Variants in KEAP1 observed in about 807,000 individuals in gnomAD.
The protein encoded by KEAP1 is kelch like ECH associated protein 1.
KEAP1 carries 26 observed loss-of-function variants against 59.7 expected under a neutral mutation model. The observed-to-expected ratio is 0.44, with a 90% CI of 0.32 to 0.60. KEAP1 has a LOEUF of 0.60. Ranked by LOEUF, KEAP1 falls within the 20% of genes least tolerant of loss-of-function variation. The pLI is 0.06. For synonymous variants in KEAP1, 350 were observed against 358.3 expected (o/e 0.98, Z 0.26); for missense variants, 539 against 871.4 (o/e 0.62, Z 4.80).
rs781127807 is a variant in KEAP1 at position 10,489,813 on chromosome 19, T to C, written c.1366A>G (p.Met456Val). 5.6e-6 allele frequency: 9 copies of C among 1,614,112 alleles called. No homozygotes were observed. Among genetic ancestry groups the C allele is most frequent in the Non-Finnish European group, 5.1e-6 (6 of 1,180,010 alleles). The change falls in exon 4 of 6, where the codon ATG becomes GTG. Residue 456 changes from methionine (M) to valine (V), a missense_variant. This residue lies in a region of KEAP1 where 311 missense variants were observed against 425.2 expected (regional missense o/e 0.73). Coordinates refer to ENST00000171111, the MANE Select transcript of KEAP1 (RefSeq NM_203500.2). ...ERDEWHLVAPMLTRRIGVGVA... is the reference protein window; with the variant it reads ...ERDEWHLVAPVLTRRIGVGVA... Reference sequence around the variant, plus strand: ...CCCACCCCGATCCTTCGTGTCAGCATTGGGGCCACCAAGTGCCACTCATCC... The same window carrying C: ...CCCACCCCGATCCTTCGTGTCAGCACTGGGGCCACCAAGTGCCACTCATCC...
rs1473896573 is a variant in KEAP1, at chr19:10,491,837, C to T, written c.1065G>A (p.Leu355=). The T allele has an allele frequency of 6.2e-7, 1 of 1,608,140 alleles. No individual in the cohort carries two copies. Among genetic ancestry groups the T allele is most frequent in the Non-Finnish European group, 8.5e-7 (1 of 1,177,564 alleles). Residue 355 remains leucine, a synonymous_variant, in exon 3 of 6, where the codon TTG becomes TTA. Transcript: ENST00000171111. This position sits in a 1 kb window ranked among gnomAD's most constrained non-coding sequence, Gnocchi z 5.2. ...CGCTCCGCGGCACCTGCAGGTCCGC[C>T]AACCGGAGCCAGGTGCCGTCACTGG... ...YNPSDGTWLR[L]ADLQVPRSGL... is the part of the protein sequence containing the mutation.
chr19:10,501,547 G>A (rs938292457), intron 1 of KEAP1, among the ~76,000 whole-genome samples: 4 of 150,328 alleles, frequency 2.7e-5, no homozygotes, highest in South Asian at 4.4e-4. Flanking sequence ...GGAGAAAGGC[G>A]TGAACCCAGG....
At chr19:10,498,643 T>C (rs36009424) in intron 2 of KEAP1, among the ~76,000 whole-genome samples, 1,865 of 152,140 alleles carry the variant, frequency 0.012, 22 homozygotes, top group Middle Eastern at 0.044. Flanking sequence ...CTGTCACGGG[T>C]GTCCAATAAA....
chr19:10,495,496 G>A (rs538153413), intron 2 of KEAP1, among the ~76,000 whole-genome samples: 97 of 152,124 alleles, frequency 6.4e-4, no homozygotes, highest in African/African-American at 2.3e-3. Flanking sequence ...TCAGAAGTCC[G>A]AGACCAGCCT....
rs1388081619 is a variant in KEAP1, at chr19:10,502,351, C to T, written c.-48+890G>A. On this transcript the variant is annotated intron_variant, in intron 1 of 5. Coordinates refer to ENST00000171111, the MANE Select transcript of KEAP1 (RefSeq NM_203500.2). This position sits in a 1 kb window ranked among gnomAD's most constrained non-coding sequence, Gnocchi z 4.0. ...GCGACTGCGCATGCCCCTCCTGAGC[C>T]TCCACCAGGCCCAGTGAGGCGAGGA... 6.6e-6 allele frequency: 1 copy of T among 152,334 alleles called. No homozygotes were observed. The highest frequency in any genetic ancestry group is 1.9e-4 in the East Asian group (1 of 5,188). 9.4% of individuals were successfully genotyped at this position (152,334 alleles called of 1,614,324 possible). A position where few individuals can be genotyped will look rare whatever the true frequency, so the allele number is the denominator to read the frequency against.
chr19:10,498,470 G>A (rs1282086755), intron 2 of KEAP1, among the ~76,000 whole-genome samples: 2 of 152,158 alleles, frequency 1.3e-5, no homozygotes, highest in Non-Finnish European at 2.9e-5. Context: ...GCCTCCCAAA[G>A]TGCTGGGATT....
Position 10,488,375 on chromosome 19 carries a change from G to A in KEAP1, c.1708+817C>T, listed in dbSNP as rs561547124. Among the ~76,000 whole-genome samples the A allele has an allele frequency of 7.2e-5, 11 of 152,080 alleles. No individual in the cohort carries two copies. In the East Asian group the frequency reaches 2.1e-3, roughly 29 times the overall value. On this transcript the variant is annotated intron_variant, in intron 5 of 5. Coordinates refer to ENST00000171111, the MANE Select transcript of KEAP1 (RefSeq NM_203500.2). Reference sequence around the variant, plus strand: ...CACCTGTAATCCCAGCACTTTGGGAGGCTGAGGTGGGCAGATCACCTGAGG... The same window carrying A: ...CACCTGTAATCCCAGCACTTTGGGAAGCTGAGGTGGGCAGATCACCTGAGG...
chr19:10,487,783 G>A (rs1348120268), intron 5 of KEAP1, among the ~76,000 whole-genome samples: 1 of 152,036 alleles, frequency 6.6e-6, no homozygotes, highest in East Asian at 1.9e-4. Context: ...ATCACCTGAG[G>A]TCAGGAGTTC....
chr19:10,501,615 A>ACAAG (rs1250174837), intron 1 of KEAP1, among the ~76,000 whole-genome samples: 1 of 152,040 alleles, frequency 6.6e-6, no homozygotes, highest in African/African-American at 2.4e-5. Flanking sequence ...GGGTGACAGA[A>ACAAG]CAAGACTCCA....
At chr19:10,501,427 A>G (rs1440698799) in intron 1 of KEAP1, among the ~76,000 whole-genome samples, 1 of 151,922 alleles carries the variant, frequency 6.6e-6, no homozygotes, top group Non-Finnish European at 1.5e-5. Flanking sequence ...CAGAAGATCG[A>G]GACCATCCTG....
intron 3 of KEAP1, among the ~76,000 whole-genome samples, 164 bp from the exon 4 acceptor site, chr19:10,490,017 C>T (rs373872908): frequency 1.3e-5 from 2 of 151,560 alleles, no homozygotes; most frequent in South Asian, 2.1e-4. Flanking sequence ...TTTGGGAGGC[C>T]GAGGAGGGCG....
rs1914960367 is a variant in KEAP1 at position 10,499,422 on chromosome 19, C to T, written c.612G>A (p.Arg204=). The T allele has an allele frequency of 6.2e-7, 1 of 1,611,382 alleles. No individual in the cohort carries two copies. ...IGCVELHQRA[R]EYIYMHFGEV... ...CCCCAAAATGCATGTAGATGTACTC[C>T]CGGGCACGCTGGTGCAACTCCACAC... The change falls in exon 2 of 6, where the codon CGG becomes CGA. Residue 204 remains arginine, a synonymous_variant. Coordinates refer to ENST00000171111, the MANE Select transcript of KEAP1 (RefSeq NM_203500.2). This position sits in a 1 kb window ranked among gnomAD's most constrained non-coding sequence, Gnocchi z 6.7.
chr19:10,497,008 C>T (rs937499584), intron 2 of KEAP1, among the ~76,000 whole-genome samples: 1 of 151,666 alleles, frequency 6.6e-6, no homozygotes, highest in Non-Finnish European at 1.5e-5. Flanking sequence ...CCTGTAATCC[C>T]AGCTACTTGG....
At chr19:10,492,656 C>A in intron 2 of KEAP1, 1 of 191,272 alleles carries the variant, frequency 5.2e-6, no homozygotes, top group Non-Finnish European at 1.1e-5. Context: ...AGGCGGGAGG[C>A]GGAGGTTGCA....
intron 2 of KEAP1, among the ~76,000 whole-genome samples, chr19:10,498,305 T>A (rs879288720): frequency 2.0e-5 from 3 of 151,176 alleles, no homozygotes; most frequent in Non-Finnish European, 4.4e-5. Context: ...GTTCAAGCGA[T>A]TCTCCTGTCT....
chr19:10,489,585 A>G (rs2144588801), intron 4 of KEAP1, 63 bp downstream of exon 4: 1 of 1,569,792 alleles, frequency 6.4e-7, no homozygotes, highest in Non-Finnish European at 8.7e-7. Context: ...GGCCTGGCTC[A>G]GTTTCACCCC....
chr19:10,489,361 G>A lies in KEAP1; in HGVS notation c.1539C>T (p.Cys513=), dbSNP rs1319174142. The change falls in exon 5 of 6, where the codon TGC becomes TGT. Residue 513 remains cysteine, a synonymous_variant. Coordinates refer to ENST00000171111, the MANE Select transcript of KEAP1 (RefSeq NM_203500.2). ...MNTIRSGAGV[C]VLHNCIYAAG... ...CAGCATAGATACAGTTGTGCAGGAC[G>A]CAGACGCCTAAAGGGCACCATGCAG... 7.4e-6 allele frequency: 12 copies of A among 1,612,528 alleles called. No individual in the cohort carries two copies. Among genetic ancestry groups the A allele is most frequent in the South Asian group, 4.4e-5 (4 of 90,958 alleles).
rs1914458026 is a variant in KEAP1 at position 10,486,269 on chromosome 19, G to A, written c.*383C>T. The A allele has an allele frequency of 4.0e-6, 1 of 251,292 alleles. No individual in the cohort carries two copies. The highest frequency in any genetic ancestry group is 1.4e-4 in the South Asian group (1 of 7,234). 15.6% of individuals were successfully genotyped at this position (251,292 alleles called of 1,614,324 possible). A position where few individuals can be genotyped will look rare whatever the true frequency, so the allele number is the denominator to read the frequency against. On this transcript the variant is annotated 3_prime_UTR_variant, in exon 6 of 6. Transcript: ENST00000171111. ...ATCCCTGGGAACCACATTTCCAGAGGGGGCCTCCCCCTGAGGCCCCCATTG... is the reference window on the plus strand; with the variant it reads ...ATCCCTGGGAACCACATTTCCAGAGAGGGCCTCCCCCTGAGGCCCCCATTG...
At chr19:10,488,968 G>C (rs914396026) in intron 5 of KEAP1, among the ~76,000 whole-genome samples, 7 of 151,774 alleles carry the variant, frequency 4.6e-5, no homozygotes, top group Middle Eastern at 6.8e-3. Flanking sequence ...GGTGGTGCGC[G>C]CCTGTGGTCC....
Sources: allele counts gnomAD v4.1 joint callset (sites outside exome capture counted in the v4.1 genomes callset), GRCh38; gene constraint gnomAD v4.1.1; regional missense constraint gnomAD v4.1.1; non-coding constraint Gnocchi (gnomAD v3.1); transcripts MANE v1.5; gene names NCBI Gene and HGNC (gene_info 2026-07-23, HGNC 2026-07-21).